ALDH2: variants seen among roughly 807,000 people sequenced by gnomAD.
ALDH2 encodes the protein aldehyde dehydrogenase, mitochondrial.
A neutral mutation model predicts 59.6 loss-of-function variants in ALDH2; 44 were observed. That is an observed-to-expected ratio of 0.74 (90% confidence interval 0.58 to 0.95). The LOEUF is 0.95. Ranked by LOEUF, ALDH2 falls within the 40% of genes least tolerant of loss-of-function variation. The pLI, the probability that ALDH2 is intolerant of heterozygous loss-of-function variation, is 0.00. For missense variants in ALDH2, 570 were observed against 696.3 expected, an observed-to-expected ratio of 0.82 and a Z score of 2.04; for synonymous variants, 291 against 284.0, an observed-to-expected ratio of 1.02 and a Z score of -0.25.
In ALDH2 at chr12:111,766,950, C is replaced by T. The variant is rs1212480081; in HGVS notation, c.-33C>T. On this transcript the variant is annotated 5_prime_UTR_variant, in exon 1 of 13. Coordinates refer to ENST00000261733, the MANE Select transcript of ALDH2 (RefSeq NM_000690.4). ...GTGGCCCTGAGACCCTAGCTCTGCT[C>T]TCGGTCCGCTCGCTGTCCGCTAGCC... 6 of 1,508,466 alleles carry T rather than the reference C, an allele frequency of 4.0e-6. No homozygotes were observed. The highest frequency in any genetic ancestry group is 5.3e-6 in the Non-Finnish European group (6 of 1,132,542). The allele number at this position is 1,508,466 out of a possible 1,614,324, so 93.4% of individuals were successfully genotyped here. A position where few individuals can be genotyped will look rare whatever the true frequency, so the allele number is the denominator to read the frequency against.
intron 11 of ALDH2, among the ~76,000 whole-genome samples, chr12:111,803,658 C>A (rs955473797): frequency 2.4e-4 from 36 of 151,776 alleles, no homozygotes; most frequent in Admixed American, 6.6e-5. Flanking sequence ...ATCTCTTGAA[C>A]CCCAGATGTG....
intron 9 of ALDH2, among the ~76,000 whole-genome samples, 193 bp downstream of exon 9, chr12:111,792,975 C>A (rs754171288): frequency 4.6e-5 from 7 of 152,198 alleles, no homozygotes; most frequent in Non-Finnish European, 1.0e-4. Flanking sequence ...GCCTCATTCA[C>A]AGGGTGGCTG....
Position 111,789,845 on chromosome 12 carries a change from A to AAGT in ALDH2, c.465_467dup (p.Lys155_Tyr156insTer). The AAGT allele has an allele frequency of 1.2e-6, 2 of 1,614,148 alleles. No individual in the cohort carries two copies. Among genetic ancestry groups the AAGT allele is most frequent in the Non-Finnish European group, 1.7e-6 (2 of 1,180,004 alleles). ...AAGGTATTATGCCGGCTGGGCTGAT[A>AAGT]AGTACCACGGGAAAACCATCCCCAT... is the stretch of plus-strand genomic sequence containing the variant. On this transcript the variant is annotated stop_gained and inframe_insertion, in exon 5 of 13. Coordinates refer to ENST00000261733, the MANE Select transcript of ALDH2 (RefSeq NM_000690.4). LOFTEE classifies it high-confidence loss of function.
intron 4 of ALDH2, among the ~76,000 whole-genome samples, chr12:111,786,044 C>G (rs527729101): frequency 2.6e-5 from 4 of 152,278 alleles, no homozygotes; most frequent in African/African-American, 9.6e-5. Context: ...CTCTCTGTTT[C>G]TTAGCCTAGC....
chr12:111,797,031 C>T (rs2068410890), intron 9 of ALDH2, among the ~76,000 whole-genome samples: 1 of 150,382 alleles, frequency 6.6e-6, no homozygotes. Flanking sequence ...GCGATCTTGG[C>T]TTACTGCAAT....
At chr12:111,775,267 C>G (rs900014077) in intron 1 of ALDH2, among the ~76,000 whole-genome samples, 2 of 152,134 alleles carry the variant, frequency 1.3e-5, no homozygotes, top group East Asian at 1.9e-4. Flanking sequence ...GCGAGCCCCC[C>G]GCTCTCCCCT....
intron 1 of ALDH2, among the ~76,000 whole-genome samples, chr12:111,769,310 T>TG (rs2068181901): frequency 1.3e-5 from 2 of 152,128 alleles, no homozygotes; most frequent in Non-Finnish European, 2.9e-5. Context: ...TCCAGCACTT[T>TG]GGGATGCCAA....
At chr12:111,770,679 C>T (rs2068192391) in intron 1 of ALDH2, among the ~76,000 whole-genome samples, 1 of 152,074 alleles carries the variant, frequency 6.6e-6, no homozygotes, top group South Asian at 2.1e-4. Flanking sequence ...GACTCTTGCT[C>T]TGTTGCCCAG....
chr12:111,795,972 G>C lies in ALDH2; in HGVS notation c.1084-2106G>C, dbSNP rs563893378. 9.9e-5 allele frequency among the ~76,000 whole-genome samples: 15 copies of C among 152,138 alleles called. No individual in the cohort carries two copies. The South Asian group carries it at 2.7e-3, about 27-fold the overall frequency. On this transcript the variant is annotated intron_variant, in intron 9 of 12. Transcript: ENST00000261733. ...TTGCATTAATAAATTTAATGAGAAA[G>C]TGTTTAGGCTATGTGTGGCAGCTCA...
intron 2 of ALDH2, 63 bp from the exon 3 acceptor site, chr12:111,783,095 C>G (rs1440254753): frequency 3.8e-6 from 6 of 1,563,046 alleles, no homozygotes; most frequent in African/African-American, 1.4e-5. Context: ...TGTATTCGGA[C>G]CTGGTTATTA....
At position 111,813,736 on chromosome 12, in the gene ALDH2, C is replaced by T. The variant is rs1339851661; in HGVS notation, c.*4161C>T. On this transcript the variant is annotated 3_prime_UTR_variant, in exon 13 of 13. Transcript: ENST00000261733. Reference sequence around the variant, plus strand: ...CAAAAGGAGAAGGACTGTATGATTTCACTTATAGGAAATATCCAGAACAGG... The same window carrying T: ...CAAAAGGAGAAGGACTGTATGATTTTACTTATAGGAAATATCCAGAACAGG... 2 of 152,124 alleles carry T rather than the reference C, an allele frequency of 1.3e-5. No homozygotes were observed. The highest frequency in any genetic ancestry group is 2.9e-5 in the Non-Finnish European group (2 of 68,018). 9.4% of individuals were successfully genotyped at this position (152,124 alleles called of 1,614,324 possible).
Position 111,813,271 on chromosome 12 carries a change from G to A in ALDH2, c.*3696G>A, listed in dbSNP as rs1682320065. 6.6e-6 allele frequency: 1 copy of A among 152,200 alleles called. No homozygotes were observed. The allele number at this position is 152,200 out of a possible 1,614,324, so 9.4% of individuals were successfully genotyped here. ...TGTGGCTGCACAGAGGGCACAGAGA[G>A]CTTTTCCTTCAGCCCGGAGAAGCTT... On this transcript the variant is annotated 3_prime_UTR_variant, in exon 13 of 13. Coordinates refer to ENST00000261733, the MANE Select transcript of ALDH2 (RefSeq NM_000690.4).
At chr12:111,803,795 G>C (rs1245219858) in intron 11 of ALDH2, 64 bp from the exon 12 acceptor site, 13 of 1,167,266 alleles carry the variant, frequency 1.1e-5, no homozygotes, top group South Asian at 7.8e-5. Flanking sequence ...GCAATACAGG[G>C]GGTCCTGGGA....
intron 8 of ALDH2, 64 bp from the exon 9 acceptor site, chr12:111,792,534 G>T: frequency 6.5e-7 from 1 of 1,536,980 alleles, no homozygotes; most frequent in South Asian, 1.2e-5. Flanking sequence ...TTGGGCAGGC[G>T]GCCACCAGGG....
intron 11 of ALDH2, 55 bp downstream of exon 11, chr12:111,800,118 G>A: frequency 2.6e-6 from 4 of 1,531,064 alleles, no homozygotes; most frequent in Non-Finnish European, 3.5e-6. Flanking sequence ...CAAAGCCAGG[G>A]CCTACTGGAA....
Position 111,809,752 on chromosome 12 carries a change from G to T in ALDH2, c.*177G>T. 1.5e-6 allele frequency: 1 copy of T among 679,794 alleles called. No individual in the cohort carries two copies. Among genetic ancestry groups the T allele is most frequent in the South Asian group, 1.9e-5 (1 of 53,492 alleles). 42.1% of individuals were successfully genotyped at this position (679,794 alleles called of 1,614,324 possible). A position where few individuals can be genotyped will look rare whatever the true frequency, so the allele number is the denominator to read the frequency against. ...TTGATAAACATGGTGGGTTGGCTGA[G>T]GGTAAGAGTATATGAGGAACCTTTT... On this transcript the variant is annotated 3_prime_UTR_variant, in exon 13 of 13. Transcript: ENST00000261733.
intron 8 of ALDH2, 101 bp from the exon 9 acceptor site, chr12:111,792,497 C>T (rs1287032440): frequency 7.4e-7 from 1 of 1,360,384 alleles, no homozygotes; most frequent in Non-Finnish European, 9.9e-7. Context: ...CAGGCATCAA[C>T]CCTTACAGTG....
intron 12 of ALDH2, among the ~76,000 whole-genome samples, chr12:111,806,159 A>G (rs2068492452): frequency 6.6e-6 from 1 of 151,262 alleles, no homozygotes; most frequent in Non-Finnish European, 1.5e-5. Flanking sequence ...TAAAAATACA[A>G]AAACAAAATT....
rs10450717 is a variant in ALDH2, at chr12:111,785,567, T to C, written c.440+221T>C. On this transcript the variant is annotated intron_variant, in intron 4 of 12. Transcript: ENST00000261733. ...GATGAAACCCCATCTCTACTAAAAA[T>C]ACAAAAATTAGCTGGGCATGGTGGC... Among the ~76,000 whole-genome samples, 149 of 151,994 alleles carry C rather than the reference T, an allele frequency of 9.8e-4. 1 individual carries two copies. Among genetic ancestry groups the C allele is most frequent in the African/African-American group, 3.5e-3 (143 of 41,442 alleles).
Sources: gnomAD v4.1 joint callset for allele counts (sites outside exome capture counted in the v4.1 genomes callset) on GRCh38, gnomAD v4.1.1 for gene constraint, MANE v1.5 for transcripts, NCBI Gene and HGNC (gene_info 2026-07-23, HGNC 2026-07-21) for gene names.